The following MVB12B variants were observed in gnomAD, a reference collection of about 807,000 sequenced individuals.
The protein encoded by MVB12B is multivesicular body subunit 12B.
MVB12B carries 16 observed loss-of-function variants against 41.6 expected under a neutral mutation model. That is an observed-to-expected ratio of 0.38 (90% CI 0.26 to 0.58). The LOEUF (loss-of-function observed/expected upper bound fraction) is 0.58, where lower values mean the gene tolerates loss of function less well. Ranked by LOEUF, MVB12B falls within the 20% of genes least tolerant of loss-of-function variation. The pLI, the probability that MVB12B is intolerant of heterozygous loss-of-function variation, is 0.62. For missense variants in MVB12B, 274 were observed against 380.2 expected (o/e 0.72, Z 2.32); for synonymous variants, 133 against 139.7 (o/e 0.95, Z 0.34).
intron 7 of MVB12B, among the ~76,000 whole-genome samples, chr9:126,429,278 G>T (rs1832267686): frequency 6.6e-6 from 1 of 152,094 alleles, no homozygotes; most frequent in South Asian, 2.1e-4. Context: ...AATAGAATAA[G>T]AAAAAGAAGA....
chr9:126,489,452 G>C (rs1390469622), intron 9 of MVB12B, among the ~76,000 whole-genome samples: 1 of 152,260 alleles, frequency 6.6e-6, no homozygotes, highest in Non-Finnish European at 1.5e-5. Flanking sequence ...GGTACCTGAT[G>C]CACTTGGGTG....
chr9:126,441,095 G>T (rs1156373587), intron 7 of MVB12B, among the ~76,000 whole-genome samples: 2 of 152,212 alleles, frequency 1.3e-5, no homozygotes, highest in African/African-American at 4.8e-5. Context: ...GATGGGAGGT[G>T]CCAGTTTGTA....
intron 7 of MVB12B, among the ~76,000 whole-genome samples, chr9:126,443,379 G>C (rs1832688560): frequency 6.6e-6 from 1 of 152,138 alleles, no homozygotes; most frequent in Non-Finnish European, 1.5e-5. Flanking sequence ...GGGTAGGAGG[G>C]ACTGAGGTTC....
At chr9:126,447,092 G>A (rs1488653435) in intron 7 of MVB12B, among the ~76,000 whole-genome samples, 10 of 150,896 alleles carry the variant, frequency 6.6e-5, no homozygotes, top group South Asian at 6.3e-4. Flanking sequence ...CTACAGGTGC[G>A]CACCACTATG....
At chr9:126,359,294 G>C (rs1488360869) in intron 2 of MVB12B, among the ~76,000 whole-genome samples, 1 of 151,942 alleles carries the variant, frequency 6.6e-6, no homozygotes, top group Non-Finnish European at 1.5e-5. Flanking sequence ...TTAATATATT[G>C]TTAGATTCAA....
chr9:126,438,989 C>T (rs1362836644), intron 7 of MVB12B, among the ~76,000 whole-genome samples: 1 of 152,080 alleles, frequency 6.6e-6, no homozygotes, highest in Non-Finnish European at 1.5e-5. Flanking sequence ...ATCAGCCATT[C>T]CACAGGCTTG....
chr9:126,448,132 G>C (rs1338477267), intron 7 of MVB12B: 2 of 153,766 alleles, frequency 1.3e-5, no homozygotes, highest in Admixed American at 1.3e-4. Flanking sequence ...TGACCTGTCT[G>C]TGTCTCCAGC....
chr9:126,422,045 C>T, intron 7 of MVB12B, 97 bp downstream of exon 7: 1 of 867,440 alleles, frequency 1.2e-6, no homozygotes, highest in Non-Finnish European at 1.9e-6. Context: ...ATCTGTCTGC[C>T]TTACCTCTCT....
intron 1 of MVB12B, among the ~76,000 whole-genome samples, chr9:126,332,713 C>T (rs1253669254): frequency 6.6e-6 from 1 of 152,116 alleles, no homozygotes; most frequent in Non-Finnish European, 1.5e-5. Flanking sequence ...TGGCCCCACC[C>T]CTTTATGTGC....
At position 126,478,873 on chromosome 9, in the gene MVB12B, A is replaced by G. The variant is rs867247359; in HGVS notation, c.758-2496A>G. Among the ~76,000 whole-genome samples the G allele has an allele frequency of 2.6e-5, 4 of 152,150 alleles. No homozygotes were observed. The highest frequency in any genetic ancestry group is 5.9e-5 in the Non-Finnish European group (4 of 68,030). On this transcript the variant is annotated intron_variant, in intron 7 of 9. Transcript: ENST00000361171. This position sits in a 1 kb window ranked among gnomAD's most constrained non-coding sequence, Gnocchi z 4.2. ...ATACAGTGACATGTAGATAGAAACA[A>G]CTGTCACCAGTGAGAGGCAGTTCTT...
chr9:126,483,081 C>A (rs1264370598), intron 8 of MVB12B, among the ~76,000 whole-genome samples: 1 of 152,238 alleles, frequency 6.6e-6, no homozygotes, highest in African/African-American at 2.4e-5. Context: ...TGCCGCCCTT[C>A]AGGACCATGC....
intron 6 of MVB12B, among the ~76,000 whole-genome samples, chr9:126,401,158 TGGG>T (rs1283147579): frequency 6.6e-6 from 1 of 152,102 alleles, no homozygotes; most frequent in African/African-American, 2.4e-5. Context: ...CTGTCTCTCT[TGGG>T]GGAAAGGGTT....
chr9:126,411,291 T>A (rs1034990878), intron 6 of MVB12B, among the ~76,000 whole-genome samples: 1 of 152,222 alleles, frequency 6.6e-6, no homozygotes, highest in Non-Finnish European at 1.5e-5. Context: ...TATAGGAGAT[T>A]TATGTTCGTG....
intron 7 of MVB12B, among the ~76,000 whole-genome samples, chr9:126,467,002 A>ATT (rs764535097): frequency 4.1e-5 from 6 of 145,888 alleles, no homozygotes; most frequent in South Asian, 2.2e-4. Flanking sequence ...TAATTTTTGG[A>ATT]TTTTTTTTTT....
rs555767543 is a variant in MVB12B, at chr9:126,377,004, C to T, written c.205-4060C>T. On this transcript the variant is annotated intron_variant, in intron 2 of 9. Transcript: ENST00000361171. ...GGGCCCCTTAGGTCACAACCCGCCC[C>T]CTCCCCCACACTTGCTAAATCCCTT... Among the ~76,000 whole-genome samples, 941 of 152,172 alleles carry T rather than the reference C, an allele frequency of 6.2e-3. 8 individuals are homozygous for T. The highest frequency in any genetic ancestry group is 0.011 in the Admixed American group (163 of 15,302).
At chr9:126,393,989 G>T (rs994583641) in intron 5 of MVB12B, among the ~76,000 whole-genome samples, 1 of 152,268 alleles carries the variant, frequency 6.6e-6, no homozygotes, top group African/African-American at 2.4e-5. Flanking sequence ...TTTGCTTGAA[G>T]CATGCAGGGA....
chr9:126,457,688 A>G (rs1047701670), intron 7 of MVB12B, among the ~76,000 whole-genome samples: 1 of 151,890 alleles, frequency 6.6e-6, no homozygotes, highest in African/African-American at 2.4e-5. Context: ...ATTTTGTCAC[A>G]CCTCAGACAA....
At chr9:126,425,289 A>T (rs990105751) in intron 7 of MVB12B, among the ~76,000 whole-genome samples, 2 of 152,236 alleles carry the variant, frequency 1.3e-5, no homozygotes, top group African/African-American at 4.8e-5. Flanking sequence ...CTCTTTAAAA[A>T]AATTAATTTT....
chr9:126,473,707 C>T lies in MVB12B; in HGVS notation c.758-7662C>T, dbSNP rs1473037751. 1.3e-5 allele frequency among the ~76,000 whole-genome samples: 2 copies of T among 152,226 alleles called. No homozygotes were observed. Among genetic ancestry groups the T allele is most frequent in the Non-Finnish European group, 2.9e-5 (2 of 68,040 alleles). On this transcript the variant is annotated intron_variant, in intron 7 of 9. Transcript: ENST00000361171. This position sits in a 1 kb window ranked among gnomAD's most constrained non-coding sequence, Gnocchi z 4.0. The stretch of plus-strand genomic sequence containing the variant: ...ACAGCACCACGGGGAAGCTGCTAAA[C>T]CATCCACAAGAAATCCTCTCCCCAC...
Sources: allele counts gnomAD v4.1 joint callset (sites outside exome capture counted in the v4.1 genomes callset), GRCh38; gene constraint gnomAD v4.1.1; non-coding constraint Gnocchi (gnomAD v3.1); transcripts MANE v1.5; gene names NCBI Gene and HGNC (gene_info 2026-07-23, HGNC 2026-07-21).